The following DLG1 variants were observed in gnomAD, a reference collection of about 807,000 sequenced individuals.
DLG1 encodes the protein disks large homolog 1.
A neutral mutation model predicts 123.4 loss-of-function variants in DLG1; 42 were observed. That is an observed-to-expected ratio of 0.34 (90% CI 0.27 to 0.44). The LOEUF is 0.44. Ranked by LOEUF, DLG1 falls within the 20% of genes least tolerant of loss-of-function variation. DLG1 has a pLI of 1.00. For synonymous variants in DLG1, 317 were observed against 356.2 expected (o/e 0.89, Z 1.24); for missense variants, 942 against 1,082.6 (o/e 0.87, Z 1.82).
intron 5 of DLG1, among the ~76,000 whole-genome samples, chr3:197,155,988 G>A (rs768017292): frequency 6.6e-6 from 1 of 151,966 alleles, no homozygotes; most frequent in Non-Finnish European, 1.5e-5. Flanking sequence ...AATAAACAAA[G>A]TCAATATTGG....
At chr3:197,252,485 A>G (rs1183853421) in intron 4 of DLG1, among the ~76,000 whole-genome samples, 1 of 152,210 alleles carries the variant, frequency 6.6e-6, no homozygotes, top group Non-Finnish European at 1.5e-5. Context: ...GCCAGTCACA[A>G]GAAGACAAAT....
intron 15 of DLG1, 111 bp from the exon 16 acceptor site, chr3:197,085,867 C>A: frequency 1.1e-6 from 1 of 920,240 alleles, no homozygotes; most frequent in Non-Finnish European, 1.6e-6. Context: ...CATAGTAGGC[C>A]AAATAATGCC....
intron 4 of DLG1, among the ~76,000 whole-genome samples, chr3:197,222,488 G>A (rs149426196): frequency 6.6e-6 from 1 of 152,314 alleles, no homozygotes; most frequent in East Asian, 1.9e-4. Context: ...CCAGGGAGAA[G>A]TGGGGTGGGT....
intron 11 of DLG1, among the ~76,000 whole-genome samples, chr3:197,127,457 AATATATATATATATATATATATAT>A (rs1553936527): frequency 2.7e-3 from 57 of 20,830 alleles, no homozygotes; most frequent in East Asian, 4.0e-3. Context: ...AAAAAAAAAA[AATATATATATATATATATATATAT>A]ATATATATAT....
chr3:197,126,370 G>T (rs1431590227), intron 11 of DLG1, among the ~76,000 whole-genome samples: 1 of 151,964 alleles, frequency 6.6e-6, no homozygotes, highest in South Asian at 2.1e-4. Flanking sequence ...CAGCTACTGA[G>T]GCAAGAGAAT....
At chr3:197,151,845 CCAGTCTGGCCAA>C (rs1794017206) in intron 5 of DLG1, among the ~76,000 whole-genome samples, 1 of 152,088 alleles carries the variant, frequency 6.6e-6, no homozygotes, top group African/African-American at 2.4e-5. Context: ...GAGTTCAAAA[CCAGTCTGGCCAA>C]CATGGGTGAG....
chr3:197,135,015 A>G (rs1408602679), intron 10 of DLG1, among the ~76,000 whole-genome samples: 1 of 152,182 alleles, frequency 6.6e-6, no homozygotes. Context: ...GTCTGCCTAG[A>G]AGACTGTTAT....
intron 23 of DLG1, among the ~76,000 whole-genome samples, chr3:197,058,926 T>C (rs1239233224): frequency 6.6e-6 from 1 of 152,232 alleles, no homozygotes; most frequent in Non-Finnish European, 1.5e-5. Context: ...TTATGAAATG[T>C]CACTCTTTTT....
At chr3:197,045,146 G>A (rs1722039012) in intron 24 of DLG1, among the ~76,000 whole-genome samples, 1 of 151,726 alleles carries the variant, frequency 6.6e-6, no homozygotes, top group African/African-American at 2.4e-5. Flanking sequence ...GGGGAAAAGA[G>A]CTGATTACAG....
chr3:197,166,365 G>A (rs991900749), intron 5 of DLG1, among the ~76,000 whole-genome samples: 2 of 152,084 alleles, frequency 1.3e-5, no homozygotes, highest in African/African-American at 4.8e-5. Flanking sequence ...AATATGAAAA[G>A]ATAGAAAATT....
chr3:197,049,254 T>A (rs768988105), intron 24 of DLG1, among the ~76,000 whole-genome samples: 1 of 152,048 alleles, frequency 6.6e-6, no homozygotes, highest in Admixed American at 6.5e-5. Flanking sequence ...GAGGCGATGG[T>A]TGCAGCAAGC....
At chr3:197,214,127 A>G (rs1292534746) in intron 4 of DLG1, among the ~76,000 whole-genome samples, 1 of 152,340 alleles carries the variant, frequency 6.6e-6, no homozygotes, top group Middle Eastern at 3.4e-3. Flanking sequence ...GGATTATTGA[A>G]TAAACAGTAT....
chr3:197,185,545 A>C (rs548365087), intron 5 of DLG1, among the ~76,000 whole-genome samples: 1 of 152,270 alleles, frequency 6.6e-6, no homozygotes, highest in South Asian at 2.1e-4. Context: ...AGAAAATACT[A>C]AGGGCGGACA....
At position 197,272,136 on chromosome 3, in the gene DLG1, T is replaced by G. The variant is rs1451641691; in HGVS notation, c.318+10543A>C. Among the ~76,000 whole-genome samples the G allele has an allele frequency of 2.6e-5, 4 of 152,086 alleles. 1 individual carries two copies. Among genetic ancestry groups the G allele is most frequent in the Non-Finnish European group, 5.9e-5 (4 of 68,006 alleles). ...ACACACTCCTATAAGCAAAGCTGAG[T>G]TTTTTTCCAAGGTAAGATGCCAAAT... On this transcript the variant is annotated intron_variant, in intron 4 of 24. Coordinates refer to ENST00000667157, the MANE Select transcript of DLG1 (RefSeq NM_001366207.1).
chr3:197,181,227 A>C (rs1018607884), intron 5 of DLG1, among the ~76,000 whole-genome samples: 2 of 152,186 alleles, frequency 1.3e-5, no homozygotes, highest in African/African-American at 4.8e-5. Context: ...GATAGTTTTC[A>C]TACTAATAGA....
At chr3:197,070,083 A>G (rs924492226) in intron 18 of DLG1, 1 of 152,194 alleles carries the variant, frequency 6.6e-6, no homozygotes, top group African/African-American at 2.4e-5. Flanking sequence ...ATTGTTTGGT[A>G]AAACCATAGG....
intron 4 of DLG1, among the ~76,000 whole-genome samples, chr3:197,250,751 T>G (rs1052667187): frequency 1.3e-5 from 2 of 151,804 alleles, no homozygotes; most frequent in Admixed American, 6.6e-5. Flanking sequence ...TTCCAGCACT[T>G]TGGGAGGCTG....
At chr3:197,097,419 A>G (rs775232843) in intron 14 of DLG1, among the ~76,000 whole-genome samples, 1 of 152,032 alleles carries the variant, frequency 6.6e-6, no homozygotes, top group Non-Finnish European at 1.5e-5. Context: ...TACCTTGTTT[A>G]CATCAGCTTA....
At chr3:197,288,775 A>ATACATACATAC (rs1560172780) in intron 3 of DLG1, among the ~76,000 whole-genome samples, 1 of 112,484 alleles carries the variant, frequency 8.9e-6, no homozygotes, top group African/African-American at 3.7e-5. Flanking sequence ...TACATACATA[A>ATACATACATAC]AATGGTAGAA....
Sources: gnomAD v4.1 joint callset for allele counts (sites outside exome capture counted in the v4.1 genomes callset) on GRCh38, gnomAD v4.1.1 for gene constraint, MANE v1.5 for transcripts, NCBI Gene and HGNC (gene_info 2026-07-23, HGNC 2026-07-21) for gene names.